The following CIROP variants were observed in gnomAD, a reference collection of about 807,000 sequenced individuals.
The protein encoded by CIROP is leishmanolysin homolog.
At chr14:23,100,550 G>A in the CIROP span, 313 of 410,216 alleles carry the variant, frequency 7.6e-4, 2 homozygotes, top group Non-Finnish European at 1.2e-3. Flanking sequence ...CACTTCTAGG[G>A]GTTTTTTCTG....
the CIROP span, chr14:23,103,848 G>C: frequency 1.4e-6 from 1 of 699,866 alleles, no homozygotes; most frequent in Non-Finnish European, 2.6e-6. Flanking sequence ...TGCATTAGCA[G>C]AGGGGCTGGA....
chr14:23,099,230 G>A, the CIROP span: 5 of 413,172 alleles, frequency 1.2e-5, no homozygotes, highest in African/African-American at 8.2e-5. Flanking sequence ...CCATCCAGTT[G>A]TCTCACAAGA....
At chr14:23,102,656 A>G in the CIROP span, 1 of 702,904 alleles carries the variant, frequency 1.4e-6, no homozygotes, top group Non-Finnish European at 2.6e-6. Flanking sequence ...CAGTCTCGCC[A>G]TTTCTTGAAG....
At chr14:23,101,998 A>C in the CIROP span, 1 of 701,130 alleles carries the variant, frequency 1.4e-6, no homozygotes, top group Admixed American at 2.0e-5. Flanking sequence ...AGCTTCGATT[A>C]TACATCAGCA....
At chr14:23,100,507 G>A in the CIROP span, 1 of 413,226 alleles carries the variant, frequency 2.4e-6, no homozygotes, top group Non-Finnish European at 4.4e-6. Flanking sequence ...CTTACTTGCT[G>A]GGTTGTGTGG....
At chr14:23,099,280 C>T in the CIROP span, 2 of 413,518 alleles carry the variant, frequency 4.8e-6, no homozygotes, top group South Asian at 1.3e-4. Flanking sequence ...TTCTGGGCAA[C>T]ATCACACCTC....
At chr14:23,104,765 G>T in the CIROP span, 11 of 703,020 alleles carry the variant, frequency 1.6e-5, no homozygotes, top group Non-Finnish European at 2.3e-5. Context: ...AGCTAGGGAG[G>T]GTGAGGGAGG....
At chr14:23,100,852 G>T in the CIROP span, 10 of 398,894 alleles carry the variant, frequency 2.5e-5, no homozygotes, top group Non-Finnish European at 4.4e-5. Context: ...GCTTTTACCT[G>T]CCAGTGCCGC....
chr14:23,099,557 C>CTTTTT, the CIROP span: 4 of 308,632 alleles, frequency 1.3e-5, no homozygotes, highest in Non-Finnish European at 1.1e-5. Context: ...GCGGCATTAC[C>CTTTTT]TTTTTTTTTT....
At chr14:23,104,295 C>CT in the CIROP span, 1 of 692,626 alleles carries the variant, frequency 1.4e-6, no homozygotes, top group East Asian at 2.7e-5. Flanking sequence ...GAGGCTGCAC[C>CT]TATAAGAATG....
chr14:23,101,375 G>C, the CIROP span: 2 of 563,360 alleles, frequency 3.6e-6, no homozygotes, highest in African/African-American at 3.8e-5. Flanking sequence ...GTGCATTGAT[G>C]TAAGTAGCAG....
chr14:23,102,877 C>T, the CIROP span: 7 of 614,158 alleles, frequency 1.1e-5, no homozygotes, highest in Non-Finnish European at 2.9e-6. Flanking sequence ...AACCTGGCCC[C>T]CTACCCTGCA....
At chr14:23,104,359 A>G in the CIROP span, 14 of 702,246 alleles carry the variant, frequency 2.0e-5, 2 homozygotes, top group South Asian at 2.1e-4. Context: ...AAAGAATTAC[A>G]TACATTGTCA....
At chr14:23,102,015 AC>A in the CIROP span, 31 of 699,806 alleles carry the variant, frequency 4.4e-5, 1 homozygote, top group Non-Finnish European at 7.8e-5. Context: ...AGCAACAGAC[AC>A]CCCTCCAGCC....
chr14:23,104,062 A>C, the CIROP span, among the ~76,000 whole-genome samples: 1 of 152,196 alleles, frequency 6.6e-6, no homozygotes, highest in Non-Finnish European at 1.5e-5. Context: ...TGGAATGGTC[A>C]TGGCAGGCTG....
chr14:23,104,922 T>TGTGTCTTCTG, the CIROP span: 1 of 685,564 alleles, frequency 1.5e-6, no homozygotes, highest in South Asian at 1.6e-5. Flanking sequence ...CAGCAGCATC[T>TGTGTCTTCTG]CCCTTCTGTG....
At chr14:23,104,886 GGCAGCAGCAGCAGCAGCAGCA>G in the CIROP span, 5 of 453,898 alleles carry the variant, frequency 1.1e-5, no homozygotes, top group African/African-American at 4.4e-5. Flanking sequence ...GACTAGTGGC[GGCAGCAGCAGCAGCAGCAGCA>G]GCAGCAGCAG....
chr14:23,101,019 C>T, the CIROP span: 2 of 399,238 alleles, frequency 5.0e-6, no homozygotes, highest in East Asian at 7.1e-5. Context: ...GCATTGATAT[C>T]TTCATTAGTC....
chr14:23,102,970 G>A, the CIROP span: 2 of 593,102 alleles, frequency 3.4e-6, no homozygotes. Context: ...GTGAGATGTT[G>A]GGCACAGTAG....
Sources: allele counts gnomAD v4.1 joint callset (sites outside exome capture counted in the v4.1 genomes callset), GRCh38; gene constraint gnomAD v4.1.1; transcripts MANE v1.5; gene names NCBI Gene and HGNC (gene_info 2026-07-23, HGNC 2026-07-21).